PPM1L: variants seen among roughly 807,000 people sequenced by gnomAD.
PPM1L encodes protein phosphatase 1L.
A neutral mutation model predicts 31.4 loss-of-function variants in PPM1L; 13 were observed. The observed-to-expected ratio is 0.41, with a 90% CI of 0.27 to 0.66. The LOEUF (loss-of-function observed/expected upper bound fraction) is 0.66, where lower values mean the gene tolerates loss of function less well. Ranked by LOEUF, PPM1L falls within the 30% of genes least tolerant of loss-of-function variation. The probability of loss-of-function intolerance (pLI) is 0.29; values close to 1 mark genes in which losing one functional copy is unlikely to be tolerated. For missense variants in PPM1L, 326 were observed against 453.7 expected, an observed-to-expected ratio of 0.72 and a Z score of 2.56; for synonymous variants, 184 against 175.4, an observed-to-expected ratio of 1.05 and a Z score of -0.39.
At chr3:161,023,942 T>C (rs1718305784) in intron 2 of PPM1L, among the ~76,000 whole-genome samples, 1 of 152,242 alleles carries the variant, frequency 6.6e-6, no homozygotes. Flanking sequence ...TTGGAGCTTT[T>C]CAAATTCCAC....
At chr3:160,886,877 G>T (rs1712935179) in intron 1 of PPM1L, among the ~76,000 whole-genome samples, 1 of 152,098 alleles carries the variant, frequency 6.6e-6, no homozygotes, top group African/African-American at 2.4e-5. Context: ...ATTCACAGAA[G>T]TAGACTTCAG....
chr3:160,872,332 T>C (rs1462948093), intron 1 of PPM1L, among the ~76,000 whole-genome samples: 2 of 152,234 alleles, frequency 1.3e-5, no homozygotes, highest in Non-Finnish European at 2.9e-5. Flanking sequence ...CTATTTTCTT[T>C]CTTCTTTTTG....
At chr3:161,022,085 C>A (rs1326404948) in intron 2 of PPM1L, 3 of 629,394 alleles carry the variant, frequency 4.8e-6, no homozygotes, top group Admixed American at 5.5e-5. Context: ...TTTATCACTC[C>A]ATTATTGCAT....
intron 1 of PPM1L, among the ~76,000 whole-genome samples, chr3:160,955,176 A>G (rs1188203165): frequency 6.6e-6 from 1 of 151,634 alleles, no homozygotes; most frequent in Non-Finnish European, 1.5e-5. Context: ...ATGCCCAGCT[A>G]ATTTTTGTAT....
intron 1 of PPM1L, among the ~76,000 whole-genome samples, chr3:160,946,934 A>G (rs969546665): frequency 6.6e-6 from 1 of 152,340 alleles, no homozygotes; most frequent in African/African-American, 2.4e-5. Flanking sequence ...TTAAAAAATG[A>G]CTGGTATAAG....
At chr3:160,948,686 C>T (rs950357433) in intron 1 of PPM1L, among the ~76,000 whole-genome samples, 7 of 152,106 alleles carry the variant, frequency 4.6e-5, no homozygotes, top group Non-Finnish European at 7.4e-5. Flanking sequence ...CTTCTTGAGG[C>T]TGAGCAGACT....
At chr3:160,979,683 T>G (rs561086176) in intron 2 of PPM1L, among the ~76,000 whole-genome samples, 1 of 152,224 alleles carries the variant, frequency 6.6e-6, no homozygotes, top group East Asian at 1.9e-4. Context: ...ACTTTTTCAC[T>G]GAGTACTCTT....
chr3:161,033,170 C>G (rs530819944), intron 2 of PPM1L, among the ~76,000 whole-genome samples: 47 of 152,142 alleles, frequency 3.1e-4, no homozygotes, highest in African/African-American at 1.1e-3. Context: ...AACTACAAAC[C>G]ACTGCTCAAC....
intron 1 of PPM1L, among the ~76,000 whole-genome samples, chr3:160,921,315 AT>A (rs1714395477): frequency 6.6e-6 from 1 of 152,158 alleles, no homozygotes; most frequent in African/African-American, 2.4e-5. Flanking sequence ...GTGATATGAG[AT>A]TTTTTTATGT....
chr3:160,773,679 T>C (rs912528973), intron 1 of PPM1L, among the ~76,000 whole-genome samples: 2 of 152,228 alleles, frequency 1.3e-5, no homozygotes, highest in Non-Finnish European at 2.9e-5. Context: ...ATTTACAGTG[T>C]CTGCTTTCTT....
intron 1 of PPM1L, among the ~76,000 whole-genome samples, chr3:160,921,282 G>A (rs1191983606): frequency 6.6e-6 from 1 of 152,198 alleles, no homozygotes; most frequent in Non-Finnish European, 1.5e-5. Flanking sequence ...TGAATATTAG[G>A]ATGGTAAAGA....
intron 1 of PPM1L, among the ~76,000 whole-genome samples, chr3:160,945,274 G>C (rs978463640): frequency 1.3e-5 from 2 of 151,546 alleles, no homozygotes; most frequent in Non-Finnish European, 2.9e-5. Context: ...TGTCTCAGCT[G>C]CTCAACTCTA....
intron 1 of PPM1L, among the ~76,000 whole-genome samples, chr3:160,883,701 GA>G (rs760780211): frequency 6.6e-5 from 10 of 151,838 alleles, no homozygotes; most frequent in Admixed American, 3.3e-4. Flanking sequence ...GAAGTTAGGG[GA>G]AAGAGACTGG....
At chr3:160,913,012 T>C (rs1348022240) in intron 1 of PPM1L, among the ~76,000 whole-genome samples, 6 of 152,048 alleles carry the variant, frequency 3.9e-5, no homozygotes, top group Non-Finnish European at 7.4e-5. Context: ...TGTGATGGGG[T>C]AAGATGAATA....
intron 2 of PPM1L, among the ~76,000 whole-genome samples, chr3:161,019,401 T>C (rs1042982215): frequency 2.6e-5 from 4 of 152,148 alleles, no homozygotes; most frequent in African/African-American, 9.7e-5. Context: ...TCTCACTATG[T>C]TGTCCAGGTT....
intron 1 of PPM1L, among the ~76,000 whole-genome samples, chr3:160,885,971 C>T (rs955621232): frequency 3.9e-5 from 6 of 152,146 alleles, no homozygotes; most frequent in African/African-American, 1.2e-4. Flanking sequence ...GGGGGAAGGG[C>T]GTCATTCATC....
At chr3:161,055,726 C>T (rs762623902) in intron 2 of PPM1L, among the ~76,000 whole-genome samples, 2 of 151,880 alleles carry the variant, frequency 1.3e-5, no homozygotes, top group Non-Finnish European at 2.9e-5. Context: ...CGCCCCCTTT[C>T]GCCTCCTCCC....
intron 1 of PPM1L, among the ~76,000 whole-genome samples, chr3:160,945,822 TATG>T (rs1474843746): frequency 6.6e-6 from 1 of 152,136 alleles, no homozygotes; most frequent in African/African-American, 2.4e-5. Flanking sequence ...ATGAGACCTT[TATG>T]ATGATCCACT....
Position 160,858,727 on chromosome 3 carries a change from T to C in PPM1L, c.399+102020T>C, listed in dbSNP as rs547647733. ...CAGGTAAATAAAATTCAAGAGTATCTACATGGGTGGTATTAATTTACCTGT... is the reference window on the plus strand; with the variant it reads ...CAGGTAAATAAAATTCAAGAGTATCCACATGGGTGGTATTAATTTACCTGT... On this transcript the variant is annotated intron_variant, in intron 1 of 3. Transcript: ENST00000498165. Among the ~76,000 whole-genome samples the C allele has an allele frequency of 2.6e-5, 4 of 152,296 alleles. No individual in the cohort carries two copies. In the East Asian group the frequency reaches 7.7e-4, roughly 29 times the overall value.
Sources: allele counts gnomAD v4.1 joint callset (sites outside exome capture counted in the v4.1 genomes callset), GRCh38; gene constraint gnomAD v4.1.1; transcripts MANE v1.5; gene names NCBI Gene and HGNC (gene_info 2026-07-23, HGNC 2026-07-21).